EPB41L4A: variants seen among roughly 807,000 people sequenced by gnomAD.
EPB41L4A encodes the protein erythrocyte membrane protein band 4.1 like 4A.
In EPB41L4A, 100 loss-of-function variants were observed where a neutral mutation model predicts 108.6. The ratio of observed to expected loss-of-function variants is 0.92; its 90% CI spans 0.78 to 1.09. The LOEUF is 1.09. Ranked by LOEUF, EPB41L4A falls within the 50% of genes least tolerant of loss-of-function variation. The probability of loss-of-function intolerance (pLI) is 0.00; values close to 1 mark genes in which losing one functional copy is unlikely to be tolerated. For synonymous variants in EPB41L4A, 319 were observed against 289.0 expected, an observed-to-expected ratio of 1.10 and a Z score of -1.05; for missense variants, 1,030 against 842.7, an observed-to-expected ratio of 1.22 and a Z score of -2.75.
chr5:112,201,377 C>A (rs1762211243), intron 15 of EPB41L4A, among the ~76,000 whole-genome samples: 1 of 152,164 alleles, frequency 6.6e-6, no homozygotes, highest in South Asian at 2.1e-4. Flanking sequence ...CACAGGAAGC[C>A]AGCGGAAAAT....
intron 1 of EPB41L4A, among the ~76,000 whole-genome samples, chr5:112,408,074 G>T (rs1762178998): frequency 6.6e-6 from 1 of 152,074 alleles, no homozygotes; most frequent in Admixed American, 6.5e-5. Flanking sequence ...TAGATCAATG[G>T]GATAGAATTC....
chr5:112,271,427 A>G (rs535753511), intron 4 of EPB41L4A, among the ~76,000 whole-genome samples: 2 of 152,366 alleles, frequency 1.3e-5, no homozygotes, highest in Non-Finnish European at 2.9e-5. Context: ...ACACTCTTAC[A>G]TATTCCTCCA....
chr5:112,409,203 C>G (rs1460513546), intron 1 of EPB41L4A, among the ~76,000 whole-genome samples: 1 of 152,174 alleles, frequency 6.6e-6, no homozygotes, highest in Non-Finnish European at 1.5e-5. Flanking sequence ...CTTGAAAACA[C>G]TATTCCAAGT....
intron 1 of EPB41L4A, among the ~76,000 whole-genome samples, chr5:112,401,148 A>G (rs1400665646): frequency 2.0e-5 from 3 of 152,184 alleles, no homozygotes; most frequent in Non-Finnish European, 4.4e-5. Flanking sequence ...TCCCCTATCT[A>G]TGAGAGGAAA....
At chr5:112,143,498 A>C (rs1759139323) in exon 14 of EPB41L4A, 1 of 154,242 alleles carries the variant, frequency 6.5e-6, no homozygotes, top group African/African-American at 2.4e-5. Flanking sequence ...GACAAATACA[A>C]ATCAACTTAA....
intron 13 of EPB41L4A, 116 bp from the exon 14 acceptor site, chr5:112,205,620 G>T: frequency 1.3e-6 from 1 of 779,490 alleles, no homozygotes; most frequent in Non-Finnish European, 2.1e-6. Flanking sequence ...ACACTTATTT[G>T]CTTGTTTATA....
At chr5:112,253,129 C>T (rs939061158) in intron 9 of EPB41L4A, among the ~76,000 whole-genome samples, 2 of 152,062 alleles carry the variant, frequency 1.3e-5, no homozygotes, top group East Asian at 3.9e-4. Flanking sequence ...AAGTATCTCC[C>T]CACAGACTAC....
intron 1 of EPB41L4A, among the ~76,000 whole-genome samples, chr5:112,314,389 C>T (rs1207061502): frequency 6.6e-6 from 1 of 151,100 alleles, no homozygotes; most frequent in East Asian, 2.0e-4. Flanking sequence ...GGAAGTCAGC[C>T]GGGCATGGTG....
chr5:112,178,103 A>C (rs1760963421), intron 18 of EPB41L4A, among the ~76,000 whole-genome samples: 1 of 152,134 alleles, frequency 6.6e-6, no homozygotes. Flanking sequence ...TTTAAATATA[A>C]AGACATAACT....
At chr5:112,259,680 G>C (rs1751357218) in intron 8 of EPB41L4A, among the ~76,000 whole-genome samples, 1 of 152,122 alleles carries the variant, frequency 6.6e-6, no homozygotes. Flanking sequence ...ACAGCTCCCA[G>C]GGAAAAGAGA....
intron 17 of EPB41L4A, among the ~76,000 whole-genome samples, chr5:112,191,015 A>T (rs1324350428): frequency 6.6e-6 from 1 of 152,178 alleles, no homozygotes; most frequent in Non-Finnish European, 1.5e-5. Context: ...AACTAAAAGG[A>T]GAAATAAGAA....
intron 9 of EPB41L4A, among the ~76,000 whole-genome samples, chr5:112,251,178 T>TG (rs1750638627): frequency 1.3e-5 from 2 of 152,132 alleles, no homozygotes; most frequent in South Asian, 4.1e-4. Flanking sequence ...ACATTGTAGT[T>TG]GGAGACACAA....
chr5:112,204,513 A>C, intron 14 of EPB41L4A, 25 bp from the exon 15 acceptor site: 1 of 1,495,428 alleles, frequency 6.7e-7, no homozygotes, highest in Non-Finnish European at 9.3e-7. Context: ...AAATGGTCAA[A>C]AAGAGCCCAG....
At chr5:112,171,112 A>G (rs1053269615) in intron 18 of EPB41L4A, 120 bp from the exon 19 acceptor site, 1 of 851,992 alleles carries the variant, frequency 1.2e-6, no homozygotes, top group Non-Finnish European at 1.9e-6. Flanking sequence ...ACAGACAAGG[A>G]AAGACTGGAC....
chr5:112,404,314 G>A (rs1761954656), intron 1 of EPB41L4A, among the ~76,000 whole-genome samples: 1 of 152,176 alleles, frequency 6.6e-6, no homozygotes, highest in Non-Finnish European at 1.5e-5. Context: ...AACAATCTGT[G>A]ATGCAGATAG....
intron 12 of EPB41L4A, among the ~76,000 whole-genome samples, chr5:112,220,232 T>C (rs1201566673): frequency 6.6e-6 from 1 of 152,216 alleles, no homozygotes; most frequent in African/African-American, 2.4e-5. Context: ...TCTAAGGAGT[T>C]AGATATCTAA....
At chr5:112,200,158 G>A (rs1277670848) in intron 15 of EPB41L4A, among the ~76,000 whole-genome samples, 1 of 152,120 alleles carries the variant, frequency 6.6e-6, no homozygotes, top group Non-Finnish European at 1.5e-5. Flanking sequence ...TTTCATGAAG[G>A]TTTCCTGCTT....
At chr5:112,375,657 GC>G (rs1445829328) in intron 1 of EPB41L4A, among the ~76,000 whole-genome samples, 1 of 152,160 alleles carries the variant, frequency 6.6e-6, no homozygotes, top group African/African-American at 2.4e-5. Context: ...TGCTCCTCAG[GC>G]CCTTGAGGTA....
At chr5:112,388,775 A>C (rs1283217231) in intron 1 of EPB41L4A, among the ~76,000 whole-genome samples, 1 of 152,068 alleles carries the variant, frequency 6.6e-6, no homozygotes, top group East Asian at 1.9e-4. Context: ...TACCTCTATC[A>C]TTATTTGGTT....
Sources: allele counts gnomAD v4.1 joint callset (sites outside exome capture counted in the v4.1 genomes callset), GRCh38; gene constraint gnomAD v4.1.1; transcripts MANE v1.5; gene names NCBI Gene and HGNC (gene_info 2026-07-23, HGNC 2026-07-21).